ECPAS: variants seen among roughly 807,000 people sequenced by gnomAD.
The protein encoded by ECPAS is Ecm29 proteasome adaptor and scaffold, also known as proteasome adapter and scaffold protein ECM29.
In ECPAS, 70 loss-of-function variants were observed where a neutral mutation model predicts 255.1. The observed-to-expected ratio is 0.27, with a 90% CI of 0.23 to 0.33. The LOEUF (loss-of-function observed/expected upper bound fraction) is 0.33, where lower values mean the gene tolerates loss of function less well. ECPAS is among the 10% of genes least tolerant of loss of function. The probability of loss-of-function intolerance (pLI) is 1.00; values close to 1 mark genes in which losing one functional copy is unlikely to be tolerated. For synonymous variants in ECPAS, 784 were observed against 775.0 expected (o/e 1.01, Z -0.19); for missense variants, 1,817 against 2,206.4 (o/e 0.82, Z 3.54).
chr9:111,464,135 A>T (rs2098276400), intron 2 of ECPAS, among the ~76,000 whole-genome samples: 2 of 152,088 alleles, frequency 1.3e-5, no homozygotes, highest in Non-Finnish European at 2.9e-5. Context: ...CCGTCCTAGA[A>T]AAAAACTCTC....
At chr9:111,410,680 C>G (rs1334388631) in intron 22 of ECPAS, among the ~76,000 whole-genome samples, 1 of 151,994 alleles carries the variant, frequency 6.6e-6, no homozygotes, top group Non-Finnish European at 1.5e-5. Flanking sequence ...CCATACCAAG[C>G]TAATTTTGTT....
At chr9:111,464,641 T>C (rs530351640) in intron 2 of ECPAS, among the ~76,000 whole-genome samples, 24 of 152,080 alleles carry the variant, frequency 1.6e-4, no homozygotes, top group African/African-American at 5.5e-4. Flanking sequence ...CAAGACCATA[T>C]CTGAAAAATC....
At chr9:111,410,676 C>A (rs2098192661) in intron 22 of ECPAS, among the ~76,000 whole-genome samples, 1 of 151,946 alleles carries the variant, frequency 6.6e-6, no homozygotes, top group African/African-American at 2.4e-5. Flanking sequence ...GCCACCATAC[C>A]AAGCTAATTT....
At chr9:111,416,392 A>T (rs754946052) in intron 17 of ECPAS, 40 bp from the exon 18 acceptor site, 1 of 1,458,600 alleles carries the variant, frequency 6.9e-7, no homozygotes, top group Admixed American at 1.7e-5. Context: ...ATTACTGAAA[A>T]ATGAAGCATA....
At chr9:111,420,797 A>C (rs1313382145) in intron 15 of ECPAS, among the ~76,000 whole-genome samples, 1 of 152,124 alleles carries the variant, frequency 6.6e-6, no homozygotes, top group African/African-American at 2.4e-5. Flanking sequence ...AAATATATAT[A>C]TTGTCCCACT....
rs536016252 is a variant in ECPAS, at chr9:111,430,583, C to T, written c.894G>A (p.Lys298=). 48 of 1,600,234 alleles carry T rather than the reference C, an allele frequency of 3.0e-5. No homozygotes were observed. In the East Asian group the frequency reaches 1.0e-3, roughly 34 times the overall value. ...TCAGTGGTATATCTCCAAGGTACAC[C>T]TTGTACATCTTATTAATGATGGCAG... The part of the protein sequence containing the change: ...NNPAIINKMY[K]VYLGDIPLKT... Residue 298 remains lysine (K), a synonymous_variant, in exon 9 of 50, where the codon AAG becomes AAA. Coordinates refer to ENST00000684092, the MANE Select transcript of ECPAS (RefSeq NM_001364929.1).
chr9:111,473,737 A>G (rs2098292478), intron 1 of ECPAS, among the ~76,000 whole-genome samples: 1 of 152,154 alleles, frequency 6.6e-6, no homozygotes, highest in South Asian at 2.1e-4. Flanking sequence ...GAGGCCGAGG[A>G]GGGCAGATTG....
At chr9:111,373,943 T>C (rs1449771854) in intron 39 of ECPAS, 29 bp downstream of exon 39, 5 of 1,565,748 alleles carry the variant, frequency 3.2e-6, no homozygotes, top group Non-Finnish European at 2.6e-6. Context: ...TGTGCAAAAA[T>C]ATCACCACAC....
At chr9:111,483,221 T>C (rs1477240721) in intron 1 of ECPAS, among the ~76,000 whole-genome samples, 1 of 151,412 alleles carries the variant, frequency 6.6e-6, no homozygotes, top group East Asian at 2.0e-4. Flanking sequence ...GGGGCTGGGC[T>C]CCCCCGACCC....
Position 111,366,256 on chromosome 9 carries a change from G to T in ECPAS, c.5291C>A (p.Ser1764Ter). 1 of 1,570,188 alleles carries T rather than the reference G, an allele frequency of 6.4e-7. No homozygotes were observed. The highest frequency in any genetic ancestry group is 1.2e-5 in the South Asian group (1 of 85,412). Residue 1764 changes from serine to a stop codon, truncating the protein, a stop_gained, in exon 48 of 50, where the codon TCA becomes TAA. Transcript: ENST00000684092. LOFTEE classifies it high-confidence loss of function. ...LAEILLETCK[S>*]ITYSLENKTY... ...ACACTCACCTAAAGAATATGTGATTGATTTACAAGTTTCAAGCAGAATTTC... is the reference window on the plus strand; with the variant it reads ...ACACTCACCTAAAGAATATGTGATTTATTTACAAGTTTCAAGCAGAATTTC...
At chr9:111,432,529 G>A (rs1358752568) in intron 8 of ECPAS, among the ~76,000 whole-genome samples, 3 of 152,196 alleles carry the variant, frequency 2.0e-5, no homozygotes, top group Non-Finnish European at 2.9e-5. Context: ...CATGAGAATC[G>A]CTTGAACCTG....
At chr9:111,478,047 C>A (rs1009232236) in intron 1 of ECPAS, among the ~76,000 whole-genome samples, 1 of 151,862 alleles carries the variant, frequency 6.6e-6, no homozygotes, top group Non-Finnish European at 1.5e-5. Flanking sequence ...ACTACAGGCG[C>A]ATGCCAACAC....
chr9:111,425,360 T>C, intron 12 of ECPAS, 58 bp downstream of exon 12: 1 of 1,117,016 alleles, frequency 9.0e-7, no homozygotes, highest in Non-Finnish European at 1.3e-6. Flanking sequence ...CCAGAAATAT[T>C]ATAGAAAATA....
At chr9:111,399,282 A>AT (rs1466756454) in intron 24 of ECPAS, among the ~76,000 whole-genome samples, 1 of 152,210 alleles carries the variant, frequency 6.6e-6, no homozygotes, top group Non-Finnish European at 1.5e-5. Context: ...AAGCACCTTC[A>AT]TAAAAACTAA....
At position 111,406,236 on chromosome 9, in the gene ECPAS, G is replaced by A. The variant is rs1564522539; in HGVS notation, c.2652+2335C>T. On this transcript the variant is annotated intron_variant, in intron 24 of 49. Coordinates refer to ENST00000684092, the MANE Select transcript of ECPAS (RefSeq NM_001364929.1). ...TGCTGACGGCAACATAGATGGAACC[G>A]GAGGACATTATATTTAGCAAAAATA... Among the ~76,000 whole-genome samples the A allele has an allele frequency of 2.7e-5, 4 of 149,420 alleles. 1 individual carries two copies. Among genetic ancestry groups the A allele is most frequent in the Admixed American group, 1.3e-4 (2 of 15,172 alleles).
At chr9:111,428,527 T>C (rs2098224998) in intron 9 of ECPAS, among the ~76,000 whole-genome samples, 1 of 152,214 alleles carries the variant, frequency 6.6e-6, no homozygotes, top group Admixed American at 6.5e-5. Context: ...TTCGCCTTAC[T>C]ACAAGAGAAA....
intron 2 of ECPAS, among the ~76,000 whole-genome samples, chr9:111,472,459 A>C (rs552748630): frequency 1.8e-4 from 28 of 152,086 alleles, no homozygotes; most frequent in Non-Finnish European, 3.8e-4. Flanking sequence ...CCTTCATGGC[A>C]AAACCCCATC....
intron 26 of ECPAS, 141 bp downstream of exon 26, chr9:111,394,019 G>A: frequency 1.1e-6 from 1 of 881,086 alleles, no homozygotes; most frequent in South Asian, 2.1e-5. Flanking sequence ...ATATACATCA[G>A]GCCACCATCC....
chr9:111,459,844 C>T (rs566028511), intron 2 of ECPAS, among the ~76,000 whole-genome samples: 4 of 152,206 alleles, frequency 2.6e-5, no homozygotes, highest in African/African-American at 9.6e-5. Flanking sequence ...AATGGCAGGA[C>T]CTTATGAATT....
Sources: gnomAD v4.1 joint callset for allele counts (sites outside exome capture counted in the v4.1 genomes callset) on GRCh38, gnomAD v4.1.1 for gene constraint, MANE v1.5 for transcripts, NCBI Gene and HGNC (gene_info 2026-07-23, HGNC 2026-07-21) for gene names.